ZCCHC17: variants seen among roughly 807,000 people sequenced by gnomAD.
The protein encoded by ZCCHC17 is zinc finger CCHC domain-containing protein 17.
ZCCHC17 carries 18 observed loss-of-function variants against 30.6 expected under a neutral mutation model. That is an observed-to-expected ratio of 0.59 (90% CI 0.41 to 0.87). The LOEUF (loss-of-function observed/expected upper bound fraction) is 0.87. Ranked by LOEUF, ZCCHC17 falls within the 40% of genes least tolerant of loss-of-function variation. ZCCHC17 has a pLI of 0.00. For synonymous variants in ZCCHC17, 88 were observed against 92.4 expected (o/e 0.95, Z 0.27); for missense variants, 263 against 284.2 (o/e 0.93, Z 0.54).
chr1:31,301,885 C>T, intron 1 of ZCCHC17, among the ~76,000 whole-genome samples: 1 of 152,156 alleles, frequency 6.6e-6, no homozygotes. Context: ...TACATGGTCA[C>T]TCTAGAATTT....
chr1:31,337,430 C>T (rs772679305), intron 4 of ZCCHC17, among the ~76,000 whole-genome samples, 155 bp downstream of exon 4: 1 of 152,182 alleles, frequency 6.6e-6, no homozygotes, highest in Non-Finnish European at 1.5e-5. Flanking sequence ...TTCAAACCTT[C>T]TGGTAGACTG....
At chr1:31,325,143 G>T (rs1638284388) in intron 3 of ZCCHC17, among the ~76,000 whole-genome samples, 1 of 152,164 alleles carries the variant, frequency 6.6e-6, no homozygotes, top group Non-Finnish European at 1.5e-5. Flanking sequence ...GCAGATAAGA[G>T]CTGCCCATTC....
intron 7 of ZCCHC17, among the ~76,000 whole-genome samples, 178 bp downstream of exon 7, chr1:31,349,152 A>G (rs1399158044): frequency 1.3e-5 from 2 of 152,112 alleles, no homozygotes; most frequent in East Asian, 3.9e-4. Context: ...GCCTGTGAAT[A>G]GCCACTGCAT....
intron 4 of ZCCHC17, 32 bp downstream of exon 4, chr1:31,337,307 A>G: frequency 6.3e-7 from 1 of 1,589,292 alleles, no homozygotes; most frequent in Non-Finnish European, 8.6e-7. Context: ...TTGTGGTTAG[A>G]AAGGATTAGG....
chr1:31,319,891 A>G (rs1646821388), intron 3 of ZCCHC17, among the ~76,000 whole-genome samples: 1 of 152,222 alleles, frequency 6.6e-6, no homozygotes. Context: ...AGGCAACCAT[A>G]AGAATACTAG....
chr1:31,318,042 T>C (rs1646777967), intron 2 of ZCCHC17: 8 of 714,274 alleles, frequency 1.1e-5, no homozygotes, highest in Non-Finnish European at 1.8e-5. Context: ...TAGTACCAAC[T>C]CTGTACAGTG....
intron 2 of ZCCHC17, among the ~76,000 whole-genome samples, chr1:31,314,417 AAAG>A (rs1431950284): frequency 6.6e-6 from 1 of 152,010 alleles, no homozygotes; most frequent in Non-Finnish European, 1.5e-5. Flanking sequence ...CAATATTTAC[AAAG>A]AAGAGGAGTT....
At chr1:31,306,931 G>A (rs372982455) in intron 1 of ZCCHC17, among the ~76,000 whole-genome samples, 24 of 151,944 alleles carry the variant, frequency 1.6e-4, no homozygotes, top group African/African-American at 4.6e-4. Flanking sequence ...TCCGCCTCCC[G>A]GGTTCAAGCA....
chr1:31,309,491 T>G (rs1646545582), intron 1 of ZCCHC17, among the ~76,000 whole-genome samples: 1 of 152,030 alleles, frequency 6.6e-6, no homozygotes, highest in South Asian at 2.1e-4. Flanking sequence ...ATTTTTGTAT[T>G]TTTAGTAGAG....
intron 5 of ZCCHC17, among the ~76,000 whole-genome samples, chr1:31,341,764 T>C (rs1359223598): frequency 6.6e-6 from 1 of 152,222 alleles, no homozygotes; most frequent in African/African-American, 2.4e-5. Context: ...GACAGTAACA[T>C]ATATCTAAGG....
chr1:31,359,208 C>T (rs1219060089), intron 7 of ZCCHC17, among the ~76,000 whole-genome samples: 2 of 152,070 alleles, frequency 1.3e-5, no homozygotes, highest in Non-Finnish European at 2.9e-5. Flanking sequence ...TCAAGAGATC[C>T]ACCTGCCTTT....
chr1:31,348,711 G>T, intron 6 of ZCCHC17, 118 bp from the exon 7 acceptor site: 1 of 1,233,348 alleles, frequency 8.1e-7, no homozygotes, highest in South Asian at 1.3e-5. Context: ...TGCTTTGAAT[G>T]AACTCAACAA....
chr1:31,353,034 G>A (rs1371120789), intron 7 of ZCCHC17, among the ~76,000 whole-genome samples: 1 of 152,104 alleles, frequency 6.6e-6, no homozygotes, highest in African/African-American at 2.4e-5. Flanking sequence ...CTTATTTTCT[G>A]GGTTTTGTGT....
In ZCCHC17 at chr1:31,359,585, TTC is replaced by T. The variant is rs1639786104; in HGVS notation, c.565-4443_565-4442del. 3.9e-5 allele frequency among the ~76,000 whole-genome samples: 6 copies of T among 152,254 alleles called. No homozygotes were observed. In the South Asian group the frequency reaches 1.2e-3, roughly 32 times the overall value. ...TACTCAATAAATGTTCACTGCTATA[TTC>T]TCTTTTTTCAGTTTTTGCTTTTATT... On this transcript the variant is annotated intron_variant, in intron 7 of 7. Coordinates refer to ENST00000344147, the MANE Select transcript of ZCCHC17 (RefSeq NM_016505.4).
At chr1:31,335,154 T>A (rs1293284638) in intron 3 of ZCCHC17, among the ~76,000 whole-genome samples, 2 of 152,212 alleles carry the variant, frequency 1.3e-5, no homozygotes. Flanking sequence ...CAGTTTATAC[T>A]CCCAGGGCTT....
intron 2 of ZCCHC17, among the ~76,000 whole-genome samples, chr1:31,314,623 T>C (rs540184309): frequency 1.4e-4 from 21 of 152,326 alleles, no homozygotes; most frequent in African/African-American, 5.1e-4. Flanking sequence ...CAGGTCCTCT[T>C]TCCAAGTTTA....
chr1:31,320,804 T>C (rs1270917950), intron 3 of ZCCHC17, among the ~76,000 whole-genome samples: 2 of 152,126 alleles, frequency 1.3e-5, no homozygotes, highest in Admixed American at 6.6e-5. Flanking sequence ...TACCTGTGAG[T>C]GGAAATACTG....
chr1:31,353,817 C>T (rs960804951), intron 7 of ZCCHC17, among the ~76,000 whole-genome samples: 1 of 152,244 alleles, frequency 6.6e-6, no homozygotes, highest in Middle Eastern at 3.4e-3. Flanking sequence ...TATTCTATCA[C>T]TGGTCTATAT....
chr1:31,346,489 T>A, intron 5 of ZCCHC17, 151 bp from the exon 6 acceptor site: 1 of 749,026 alleles, frequency 1.3e-6, no homozygotes, highest in South Asian at 2.4e-5. Flanking sequence ...TTCACATCAT[T>A]GCATTTACTG....
Sources: gnomAD v4.1 joint callset for allele counts (sites outside exome capture counted in the v4.1 genomes callset) on GRCh38, gnomAD v4.1.1 for gene constraint, MANE v1.5 for transcripts, NCBI Gene and HGNC (gene_info 2026-07-23, HGNC 2026-07-21) for gene names.